CNTN5: variants seen among roughly 807,000 people sequenced by gnomAD.
CNTN5 encodes contactin 5.
CNTN5 carries 77 observed loss-of-function variants against 129.1 expected under a neutral mutation model. The ratio of observed to expected loss-of-function variants is 0.60; its 90% CI spans 0.50 to 0.72. The LOEUF (loss-of-function observed/expected upper bound fraction) is 0.72, where lower values mean the gene tolerates loss of function less well. Ranked by LOEUF, CNTN5 falls within the 30% of genes least tolerant of loss-of-function variation. CNTN5 has a pLI of 0.00. For synonymous variants in CNTN5, 509 were observed against 465.6 expected (o/e 1.09, Z -1.20); for missense variants, 1,478 against 1,328.8 (o/e 1.11, Z -1.75).
intron 1 of CNTN5, among the ~76,000 whole-genome samples, chr11:99,046,709 T>C (rs536125876): frequency 1.3e-5 from 2 of 152,258 alleles, no homozygotes; most frequent in South Asian, 2.1e-4. Flanking sequence ...GCAGGATATG[T>C]ACTAGAAAAG....
intron 6 of CNTN5, among the ~76,000 whole-genome samples, chr11:99,853,512 G>C (rs1947941554): frequency 6.6e-6 from 1 of 152,016 alleles, no homozygotes; most frequent in South Asian, 2.1e-4. Context: ...CGATTCTCCT[G>C]CCTCAGCCTC....
intron 3 of CNTN5, among the ~76,000 whole-genome samples, chr11:99,739,309 GA>G (rs1259162419): frequency 1.3e-5 from 2 of 152,068 alleles, no homozygotes; most frequent in African/African-American, 4.8e-5. Context: ...AGGAAGTGGT[GA>G]AAATGATAGG....
At chr11:99,265,516 A>G (rs1862845317) in intron 1 of CNTN5, among the ~76,000 whole-genome samples, 1 of 152,060 alleles carries the variant, frequency 6.6e-6, no homozygotes. Context: ...TTGAAGCTCT[A>G]GGCAAAATGA....
intron 2 of CNTN5, among the ~76,000 whole-genome samples, chr11:99,326,904 T>C (rs912837613): frequency 2.6e-5 from 4 of 152,136 alleles, no homozygotes; most frequent in Non-Finnish European, 5.9e-5. Flanking sequence ...TTTGTTACAA[T>C]AAGAATGATT....
At chr11:100,047,704 A>T (rs1591127969) in intron 9 of CNTN5, among the ~76,000 whole-genome samples, 1 of 152,258 alleles carries the variant, frequency 6.6e-6, no homozygotes, top group East Asian at 1.9e-4. Flanking sequence ...ATAAAGCATA[A>T]TTTTTGGGTT....
At chr11:99,643,060 A>G (rs892558103) in intron 3 of CNTN5, among the ~76,000 whole-genome samples, 1 of 152,354 alleles carries the variant, frequency 6.6e-6, no homozygotes, top group Non-Finnish European at 1.5e-5. Context: ...GCAATAACAC[A>G]GGAATACAGA....
At chr11:100,226,736 C>G (rs1429140857) in intron 16 of CNTN5, among the ~76,000 whole-genome samples, 3 of 151,322 alleles carry the variant, frequency 2.0e-5, no homozygotes, top group Non-Finnish European at 4.4e-5. Context: ...GATTTAAACA[C>G]TGAACTAAGA....
chr11:99,808,817 C>T (rs1946347569), intron 3 of CNTN5, among the ~76,000 whole-genome samples: 1 of 152,086 alleles, frequency 6.6e-6, no homozygotes, highest in Non-Finnish European at 1.5e-5. Context: ...CATGAGTTAG[C>T]TTGAACAGTA....
At chr11:99,422,345 A>C (rs1245385131) in intron 2 of CNTN5, among the ~76,000 whole-genome samples, 1 of 151,654 alleles carries the variant, frequency 6.6e-6, no homozygotes, top group East Asian at 1.9e-4. Flanking sequence ...TATGAATGAC[A>C]ACTCACTCTC....
intron 1 of CNTN5, among the ~76,000 whole-genome samples, chr11:99,174,113 C>T (rs1857662543): frequency 6.6e-6 from 1 of 152,124 alleles, no homozygotes; most frequent in African/African-American, 2.4e-5. Context: ...ATCTTCCTGC[C>T]TCAGCCTCCC....
intron 13 of CNTN5, among the ~76,000 whole-genome samples, chr11:100,184,317 A>T (rs1156519200): frequency 5.3e-5 from 8 of 152,206 alleles, no homozygotes; most frequent in African/African-American, 1.7e-4. Context: ...TTAAGATCAC[A>T]CATAGAGTAG....
intron 1 of CNTN5, among the ~76,000 whole-genome samples, chr11:99,299,680 G>A (rs987883510): frequency 6.6e-6 from 1 of 152,094 alleles, no homozygotes; most frequent in Non-Finnish European, 1.5e-5. Flanking sequence ...ATTTCACTAG[G>A]AGTGATGGTC....
At chr11:100,156,247 C>G (rs181156390) in intron 13 of CNTN5, among the ~76,000 whole-genome samples, 1 of 152,114 alleles carries the variant, frequency 6.6e-6, no homozygotes, top group Admixed American at 6.6e-5. Flanking sequence ...TTTTCTGCAT[C>G]TATTGAGATA....
chr11:99,503,545 C>G lies in CNTN5; in HGVS notation c.-70-52600C>G, dbSNP rs181683727. On this transcript the variant is annotated intron_variant, in intron 2 of 24. Transcript: ENST00000524871. ...TGCTGTGAGTGTGAAACAAGTGTGC[C>G]TCTCAATGTAATTTAGGGCAAAATC... 2.6e-5 allele frequency among the ~76,000 whole-genome samples: 4 copies of G among 152,276 alleles called. No individual in the cohort carries two copies. The East Asian group carries it at 7.7e-4, about 29-fold the overall frequency.
chr11:100,305,965 T>A (rs1012397355), intron 20 of CNTN5, among the ~76,000 whole-genome samples: 9 of 146,350 alleles, frequency 6.1e-5, no homozygotes, highest in Non-Finnish European at 1.1e-4. Flanking sequence ...AAAAAAAAAA[T>A]TACAAAAAAA....
At chr11:99,618,513 G>C (rs965876384) in intron 3 of CNTN5, among the ~76,000 whole-genome samples, 1 of 152,108 alleles carries the variant, frequency 6.6e-6, no homozygotes, top group Non-Finnish European at 1.5e-5. Flanking sequence ...ACTGTTCTTT[G>C]TCACCTACCA....
At chr11:99,112,613 A>T (rs1447032964) in intron 1 of CNTN5, among the ~76,000 whole-genome samples, 2 of 152,166 alleles carry the variant, frequency 1.3e-5, no homozygotes, top group Non-Finnish European at 2.9e-5. Context: ...CTTAAAATCC[A>T]TGAATGATAT....
intron 7 of CNTN5, among the ~76,000 whole-genome samples, chr11:99,948,407 T>G (rs751642504): frequency 6.6e-6 from 1 of 152,214 alleles, no homozygotes; most frequent in Non-Finnish European, 1.5e-5. Context: ...TGACCATGGT[T>G]TAATTACAGT....
At chr11:99,482,420 G>A (rs1276884376) in intron 2 of CNTN5, among the ~76,000 whole-genome samples, 2 of 151,988 alleles carry the variant, frequency 1.3e-5, no homozygotes, top group Non-Finnish European at 1.5e-5. Flanking sequence ...TATCTATGTT[G>A]GATCTGTAAC....
Sources: gnomAD v4.1 joint callset for allele counts (sites outside exome capture counted in the v4.1 genomes callset) on GRCh38, gnomAD v4.1.1 for gene constraint, MANE v1.5 for transcripts, NCBI Gene and HGNC (gene_info 2026-07-23, HGNC 2026-07-21) for gene names.